The following NALCN variants were observed in gnomAD, a reference collection of about 807,000 sequenced individuals.
NALCN encodes the protein sodium leak channel, non-selective.
NALCN carries 111 observed loss-of-function variants against 225.3 expected under a neutral mutation model. That is an observed-to-expected ratio of 0.49 (90% CI 0.42 to 0.58). The LOEUF (loss-of-function observed/expected upper bound fraction) is 0.58. Among genes scored for constraint, NALCN ranks in the 20% least tolerant of loss-of-function variants. The pLI is 0.00. For missense variants in NALCN, 1,378 were observed against 2,202.4 expected (o/e 0.63, Z 7.49); for synonymous variants, 764 against 769.0 (o/e 0.99, Z 0.11).
At chr13:101,162,389 GA>G (rs1173189494) in intron 15 of NALCN, among the ~76,000 whole-genome samples, 4 of 152,176 alleles carry the variant, frequency 2.6e-5, no homozygotes, top group African/African-American at 9.7e-5. Flanking sequence ...GATGCTTCCA[GA>G]AGAACGGAAA....
intron 11 of NALCN, 112 bp downstream of exon 11, chr13:101,258,331 G>C: frequency 7.0e-7 from 1 of 1,422,378 alleles, no homozygotes; most frequent in Non-Finnish European, 9.5e-7. Flanking sequence ...ATTCAGCTTT[G>C]GTGAAAGTCA....
intron 7 of NALCN, among the ~76,000 whole-genome samples, chr13:101,293,201 C>T (rs537854918): frequency 3.3e-5 from 5 of 152,298 alleles, no homozygotes; most frequent in South Asian, 4.1e-4. Context: ...CCCCACACAT[C>T]CAACTGTGAT....
chr13:101,090,677 G>A (rs1157816112), intron 28 of NALCN, among the ~76,000 whole-genome samples: 3 of 152,066 alleles, frequency 2.0e-5, no homozygotes, highest in African/African-American at 4.8e-5. Context: ...TACCTCCACC[G>A]CTGATTCCTG....
At chr13:101,074,213 G>C (rs1333753585) in intron 36 of NALCN, among the ~76,000 whole-genome samples, 1 of 152,126 alleles carries the variant, frequency 6.6e-6, no homozygotes, top group Non-Finnish European at 1.5e-5. Context: ...GCAATATGTA[G>C]ATAGAAAAAG....
intron 20 of NALCN, among the ~76,000 whole-genome samples, chr13:101,108,633 A>C (rs528580342): frequency 2.1e-4 from 32 of 152,314 alleles, no homozygotes; most frequent in African/African-American, 7.0e-4. Context: ...TTCCAGAGCT[A>C]GGAGCAGGCC....
At chr13:101,403,061 A>T (rs1407340603) in intron 1 of NALCN, among the ~76,000 whole-genome samples, 2 of 151,584 alleles carry the variant, frequency 1.3e-5, no homozygotes, top group Admixed American at 6.7e-5. Context: ...CTTTTATATA[A>T]AAAAAAATCA....
At chr13:101,231,635 G>GGC (rs1281894236) in intron 12 of NALCN, among the ~76,000 whole-genome samples, 1 of 152,118 alleles carries the variant, frequency 6.6e-6, no homozygotes, top group Non-Finnish European at 1.5e-5. Flanking sequence ...TGGCATAAAT[G>GGC]AAATATAGTT....
At chr13:101,241,722 C>T (rs961245097) in intron 11 of NALCN, among the ~76,000 whole-genome samples, 73 of 152,276 alleles carry the variant, frequency 4.8e-4, no homozygotes, top group African/African-American at 1.7e-3. Flanking sequence ...GGATTACAGG[C>T]GTGAGCCACC....
At chr13:101,161,048 A>G (rs1281101104) in intron 15 of NALCN, among the ~76,000 whole-genome samples, 2 of 152,170 alleles carry the variant, frequency 1.3e-5, no homozygotes, top group Non-Finnish European at 2.9e-5. Context: ...TTCCCACCCT[A>G]TACAATCTCA....
chr13:101,280,693 G>T (rs185750069), intron 10 of NALCN, among the ~76,000 whole-genome samples: 1 of 151,998 alleles, frequency 6.6e-6, no homozygotes, highest in Non-Finnish European at 1.5e-5. Flanking sequence ...ATAAAGCATG[G>T]GGCTAGGAGC....
chr13:101,178,140 T>G (rs976203563), intron 14 of NALCN, among the ~76,000 whole-genome samples: 13 of 152,174 alleles, frequency 8.5e-5, no homozygotes, highest in Admixed American at 3.3e-4. Flanking sequence ...TCCCAATACC[T>G]CGACGACAGA....
Position 101,067,910 on chromosome 13 carries a change from T to C in NALCN, c.4446+8A>G, listed in dbSNP as rs1220910460. ...GGTGAGGCATGAAACAACAACCCAC[T>C]CCCATACCTCTCTTTTATCATCCAC... is the stretch of plus-strand genomic sequence containing the variant. On this transcript the variant is annotated splice_region_variant and intron_variant, in intron 39 of 43. Coordinates refer to ENST00000251127, the MANE Select transcript of NALCN (RefSeq NM_052867.4). The C allele has an allele frequency of 6.3e-7, 1 of 1,585,396 alleles. No individual in the cohort carries two copies.
Position 101,258,446 on chromosome 13 carries a change from C to T in NALCN, c.1263G>A (p.Ala421=), listed in dbSNP as rs140469887. The part of the protein sequence containing the change: ...FRRQYDEFYL[A]EVAFTVLFDL... ...TGCACGGTGGAGAGCTGCTTACCTC[C>T]GCCAGGTAGAACTCGTCGTACTGCC... Residue 421 remains alanine (A), a synonymous_variant, in exon 11 of 44, where the codon GCG becomes GCA. Coordinates refer to ENST00000251127, the MANE Select transcript of NALCN (RefSeq NM_052867.4). 9.9e-6 allele frequency: 16 copies of T among 1,614,062 alleles called. No homozygotes were observed. The African/African-American group carries it at 1.1e-4, about 11-fold the overall frequency.
At chr13:101,163,404 C>T (rs999817970) in intron 15 of NALCN, among the ~76,000 whole-genome samples, 7 of 152,108 alleles carry the variant, frequency 4.6e-5, no homozygotes, top group Admixed American at 1.3e-4. Context: ...GTCCCGAGTA[C>T]CCATGGATGA....
At position 101,074,611 on chromosome 13, in the gene NALCN, A is replaced by G; in HGVS notation, c.4006T>C (p.Phe1336Leu). 6.2e-7 allele frequency: 1 copy of G among 1,613,748 alleles called. No individual in the cohort carries two copies. Among genetic ancestry groups the G allele is most frequent in the Non-Finnish European group, 8.5e-7 (1 of 1,179,982 alleles). ...AGAAACATGCCTACTATGATAAAGA[A>G]GCTCTTGTACATGCTGACGACCACT... ...LTVVVSMYKSFFIIVGMFLLL... is the reference protein window; with the variant it reads ...LTVVVSMYKSLFIIVGMFLLL... The change falls in exon 36 of 44, where the codon TTC becomes CTC. Residue 1336 changes from phenylalanine (F) to leucine (L), a missense_variant. Physicochemically the swap from Phe to Leu is conservative, Grantham distance 22. This residue lies in a region of NALCN where 76 missense variants were observed against 118.7 expected (regional missense o/e 0.64). Coordinates refer to ENST00000251127, the MANE Select transcript of NALCN (RefSeq NM_052867.4).
intron 10 of NALCN, among the ~76,000 whole-genome samples, chr13:101,273,759 C>G (rs887699228): frequency 5.9e-5 from 9 of 151,790 alleles, no homozygotes; most frequent in Admixed American, 1.3e-4. Flanking sequence ...GTGGCAGGCA[C>G]CTGTAGACCC....
intron 3 of NALCN, among the ~76,000 whole-genome samples, chr13:101,389,814 G>A (rs139689814): frequency 6.6e-6 from 1 of 152,338 alleles, no homozygotes; most frequent in African/African-American, 2.4e-5. Context: ...GGGCATGGTG[G>A]CTCACGCCTG....
At chr13:101,075,969 C>T (rs760138395) in intron 34 of NALCN, 28 bp from the exon 35 acceptor site, 1 of 1,593,106 alleles carries the variant, frequency 6.3e-7, no homozygotes, top group South Asian at 1.1e-5. Context: ...GACAGCTTCT[C>T]ATAATTTGCA....
intron 13 of NALCN, among the ~76,000 whole-genome samples, chr13:101,199,073 G>T (rs1436057878): frequency 1.3e-5 from 2 of 151,846 alleles, no homozygotes; most frequent in Non-Finnish European, 2.9e-5. Flanking sequence ...CTCACTCATA[G>T]GTGGGAACTG....
Sources: gnomAD v4.1 joint callset for allele counts (sites outside exome capture counted in the v4.1 genomes callset) on GRCh38, gnomAD v4.1.1 for gene constraint, gnomAD v4.1.1 regional missense constraint, MANE v1.5 for transcripts, NCBI Gene and HGNC (gene_info 2026-07-23, HGNC 2026-07-21) for gene names.